CC2D1A: variants seen among roughly 807,000 people sequenced by gnomAD.
CC2D1A encodes the protein coiled-coil and C2 domain containing 1A, also known as coiled-coil and C2 domain-containing protein 1A.
In CC2D1A, 68 loss-of-function variants were observed where a neutral mutation model predicts 123.8. That is an observed-to-expected ratio of 0.55 (90% CI 0.45 to 0.67). The LOEUF (loss-of-function observed/expected upper bound fraction) is 0.67. Among genes scored for constraint, CC2D1A ranks in the 30% least tolerant of loss-of-function variants. The pLI, the probability that CC2D1A is intolerant of heterozygous loss-of-function variation, is 0.00. For synonymous variants in CC2D1A, 477 were observed against 528.0 expected, an observed-to-expected ratio of 0.90 and a Z score of 1.32; for missense variants, 1,185 against 1,290.3, an observed-to-expected ratio of 0.92 and a Z score of 1.25.
Position 13,928,016 on chromosome 19 carries a change from G to T in CC2D1A, c.2440G>T (p.Ala814Ser), listed in dbSNP as rs56359259. The change falls in exon 23 of 29, where the codon GCA becomes TCA. Residue 814 changes from alanine (A) to serine (S), a missense_variant. Coordinates refer to ENST00000318003, the MANE Select transcript of CC2D1A (RefSeq NM_017721.5). ...GTGGCTGGTCATTGACCCTGTGCCG[G>T]CAGCTGTGCCCACAGTGAGACCCCC... ...ERWLVIDPVPAAVPTQVAGPK... is the reference protein window; with the variant it reads ...ERWLVIDPVPSAVPTQVAGPK... 715 of 1,613,628 alleles carry T rather than the reference G, an allele frequency of 4.4e-4. 2 individuals are homozygous for T. In the African/African-American group the frequency reaches 8.2e-3, roughly 19 times the overall value.
intron 17 of CC2D1A, among the ~76,000 whole-genome samples, chr19:13,925,972 A>ATGTATATATATATACACATATATG (rs1568418582): frequency 9.5e-6 from 1 of 105,394 alleles, no homozygotes; most frequent in African/African-American, 4.5e-5. Context: ...ACGTATATAT[A>ATGTATATATATATACACATATATG]TGTGTATATA....
At chr19:13,921,499 G>C (rs766724753) in intron 14 of CC2D1A, among the ~76,000 whole-genome samples, 20 of 152,064 alleles carry the variant, frequency 1.3e-4, no homozygotes, top group Non-Finnish European at 2.8e-4. Flanking sequence ...AGTGGGGATG[G>C]CCACCCCTGC....
At chr19:13,915,293 T>C (rs1971164493) in intron 6 of CC2D1A, among the ~76,000 whole-genome samples, 1 of 152,236 alleles carries the variant, frequency 6.6e-6, no homozygotes, top group Admixed American at 6.5e-5. Flanking sequence ...GTTTCCAGGC[T>C]GGAGTGCGAT....
chr19:13,925,934 ATATAT>A (rs1230769376), intron 17 of CC2D1A, among the ~76,000 whole-genome samples: 95 of 66,140 alleles, frequency 1.4e-3, no homozygotes, highest in Non-Finnish European at 2.1e-3. Context: ...AAAAAAAAAA[ATATAT>A]ATATATATAT....
At chr19:13,915,472 C>T (rs1432325847) in intron 6 of CC2D1A, among the ~76,000 whole-genome samples, 1 of 152,140 alleles carries the variant, frequency 6.6e-6, no homozygotes, top group Non-Finnish European at 1.5e-5. Context: ...TGGTCTCGAA[C>T]TCCTGACCTC....
rs747355778 is a variant in CC2D1A, at chr19:13,926,961, C to T, written c.2126-17C>T. 7 of 1,613,240 alleles carry T rather than the reference C, an allele frequency of 4.3e-6. No individual in the cohort carries two copies. The highest frequency in any genetic ancestry group is 5.1e-6 in the Non-Finnish European group (6 of 1,179,384). Reference sequence around the variant, plus strand: ...GCCTGACCCCACCCAACTTCCTCTCCCTCCTTCCTCCTGCAGAGTTCAAGG... The same window carrying T: ...GCCTGACCCCACCCAACTTCCTCTCTCTCCTTCCTCCTGCAGAGTTCAAGG... On this transcript the variant is annotated splice_polypyrimidine_tract_variant and intron_variant, in intron 20 of 28. Coordinates refer to ENST00000318003, the MANE Select transcript of CC2D1A (RefSeq NM_017721.5).
In CC2D1A at chr19:13,919,952, G is replaced by C; in HGVS notation, c.1356+1G>C. 1 of 1,611,394 alleles carries C rather than the reference G, an allele frequency of 6.2e-7. No individual in the cohort carries two copies. Among genetic ancestry groups the C allele is most frequent in the Non-Finnish European group, 8.5e-7 (1 of 1,178,730 alleles). ...TGAAGAGGATGAGGTGCCTAAGAAG[G>C]TTTGAGGGTTGGGGCCGGGCGCAGT... On this transcript the variant is annotated splice_donor_variant, in intron 12 of 28. Coordinates refer to ENST00000318003, the MANE Select transcript of CC2D1A (RefSeq NM_017721.5). LOFTEE classifies it high-confidence loss of function.
intron 24 of CC2D1A, among the ~76,000 whole-genome samples, 199 bp downstream of exon 24, chr19:13,928,387 A>G (rs2032892316): frequency 1.3e-5 from 2 of 152,118 alleles, no homozygotes; most frequent in Non-Finnish European, 2.9e-5. Flanking sequence ...GACCATTGTC[A>G]ACATATCCAG....
At chr19:13,912,722 A>T in intron 4 of CC2D1A, 129 bp downstream of exon 4, 1 of 883,726 alleles carries the variant, frequency 1.1e-6, no homozygotes, top group Non-Finnish European at 1.8e-6. Flanking sequence ...GTGCCATCTC[A>T]GCTCACTACA....
At position 13,929,643 on chromosome 19, in the gene CC2D1A, G is replaced by C. The variant is rs781414899; in HGVS notation, c.2693G>C (p.Gly898Ala). Reference protein sequence around the residue: ...QWQRAQLEQGGVGIRREYAAQ... With the variant: ...QWQRAQLEQGAVGIRREYAAQ... ...CAGAGGGCACAGCTGGAGCAGGGGG[G>C]TGTGGGCATCCGACGGGGTAGGGGT... is the stretch of plus-strand genomic sequence containing the variant. The change falls in exon 26 of 29, where the codon GGT (glycine) becomes GCT (alanine). Residue 898 changes from glycine (G) to alanine (A), a missense_variant. Transcript: ENST00000318003. 6.4e-7 allele frequency: 1 copy of C among 1,563,600 alleles called. No homozygotes were observed. Among genetic ancestry groups the C allele is most frequent in the Non-Finnish European group, 8.6e-7 (1 of 1,157,310 alleles).
In CC2D1A at chr19:13,930,234, C is replaced by G. The variant is rs760959701; in HGVS notation, c.2788-8C>G. On this transcript the variant is annotated splice_polypyrimidine_tract_variant and splice_region_variant and intron_variant, in intron 27 of 28. Transcript: ENST00000318003. The surrounding 1 kb of genome is among the most constrained non-coding windows in gnomAD (Gnocchi z 6.8). ...AGGGACTACCTGCTGAATGCCCATC[C>G]CCCACAGGATGCTGCAAAGGAGGCG... is the stretch of plus-strand genomic sequence containing the variant. The G allele has an allele frequency of 3.1e-6, 5 of 1,613,790 alleles. No homozygotes were observed. Among genetic ancestry groups the G allele is most frequent in the Non-Finnish European group, 4.2e-6 (5 of 1,179,904 alleles).
intron 17 of CC2D1A, among the ~76,000 whole-genome samples, chr19:13,924,080 A>T (rs150676681): frequency 5.5e-4 from 83 of 152,272 alleles, no homozygotes; most frequent in African/African-American, 2.0e-3. Context: ...TCCACGGGGG[A>T]CCAGAGATGA....
intron 22 of CC2D1A, 22 bp downstream of exon 22, chr19:13,927,287 G>T (rs762935291): frequency 4.4e-6 from 7 of 1,580,704 alleles, no homozygotes; most frequent in Non-Finnish European, 5.2e-6. Flanking sequence ...ACATTCATCC[G>T]CGTGCTCCGG....
At position 13,923,464 on chromosome 19, in the gene CC2D1A, G is replaced by T. The variant is rs367648414; in HGVS notation, c.1764+9G>T. The T allele has an allele frequency of 8.7e-6, 14 of 1,613,986 alleles. No homozygotes were observed. The African/African-American group carries it at 1.6e-4, about 18-fold the overall frequency. ...TACGGCAGCAGCACGAGGTGAGGGG[G>T]AGGCCCCCAGCCCATCCCCCAGGAG... is the stretch of plus-strand genomic sequence containing the variant. On this transcript the variant is annotated intron_variant, in intron 15 of 28. Coordinates refer to ENST00000318003, the MANE Select transcript of CC2D1A (RefSeq NM_017721.5). The surrounding 1 kb of genome is among the most constrained non-coding windows in gnomAD (Gnocchi z 5.3).
rs1020325728 is a variant in CC2D1A at position 13,913,941 on chromosome 19, G to T, written c.748+303G>T. ...TTGTTGCCCAGGCTGGAGCGCAGTGGCACGATCTCAGCTCATTACAACCTC... is the reference window on the plus strand; with the variant it reads ...TTGTTGCCCAGGCTGGAGCGCAGTGTCACGATCTCAGCTCATTACAACCTC... On this transcript the variant is annotated intron_variant, in intron 6 of 28. Transcript: ENST00000318003. 2.6e-4 allele frequency among the ~76,000 whole-genome samples: 39 copies of T among 152,014 alleles called. 2 individuals carry two copies. The Middle Eastern group carries it at 0.01, about 40-fold the overall frequency.
In CC2D1A at chr19:13,909,061, G is replaced by C. The variant is rs142559935; in HGVS notation, c.61-762G>C. 8.8e-3 allele frequency among the ~76,000 whole-genome samples: 1,346 copies of C among 152,134 alleles called. 18 individuals are homozygous for C. The highest frequency in any genetic ancestry group is 0.031 in the African/African-American group (1,289 of 41,512). ...CCTGCCTCAGCCTCCCGAGTAGCTG[G>C]GACCACAGGCACACAGCACAACTCC... is the stretch of plus-strand genomic sequence containing the variant. On this transcript the variant is annotated intron_variant, in intron 1 of 28. Coordinates refer to ENST00000318003, the MANE Select transcript of CC2D1A (RefSeq NM_017721.5).
chr19:13,916,758 C>G (rs1006032803), intron 6 of CC2D1A, among the ~76,000 whole-genome samples: 1 of 152,088 alleles, frequency 6.6e-6, no homozygotes, highest in Admixed American at 6.6e-5. Context: ...GGGAAGTAAG[C>G]CTAAGTTTAA....
chr19:13,925,978 A>G (rs1226559288), intron 17 of CC2D1A, among the ~76,000 whole-genome samples: 17 of 134,070 alleles, frequency 1.3e-4, no homozygotes, highest in African/African-American at 1.9e-4. Context: ...ATATATGTGT[A>G]TATATATATA....
At chr19:13,921,017 G>C (rs1971396665) in intron 14 of CC2D1A, 95 bp downstream of exon 14, 2 of 1,212,990 alleles carry the variant, frequency 1.6e-6, no homozygotes, top group Non-Finnish European at 2.3e-6. Flanking sequence ...ATTAGTCAAG[G>C]TCCAGCTGCT....
Sources: gnomAD v4.1 joint callset for allele counts (sites outside exome capture counted in the v4.1 genomes callset) on GRCh38, gnomAD v4.1.1 for gene constraint, Gnocchi (gnomAD v3.1) non-coding constraint, MANE v1.5 for transcripts, NCBI Gene and HGNC (gene_info 2026-07-23, HGNC 2026-07-21) for gene names.